RNF152: variants seen among roughly 807,000 people sequenced by gnomAD.
RNF152 encodes the protein E3 ubiquitin-protein ligase RNF152.
In RNF152, 11 loss-of-function variants were observed where a neutral mutation model predicts 12.7. The observed-to-expected ratio is 0.86, with a 90% CI of 0.54 to 1.43. The LOEUF is 1.43. Ranked by LOEUF, RNF152 falls within the 40% of genes most tolerant of loss-of-function variation. The probability of loss-of-function intolerance (pLI) is 0.00; values close to 1 mark genes in which losing one functional copy is unlikely to be tolerated. For missense variants in RNF152, 255 were observed against 274.8 expected, an observed-to-expected ratio of 0.93 and a Z score of 0.51; for synonymous variants, 113 against 120.3, an observed-to-expected ratio of 0.94 and a Z score of 0.40.
At chr18:61,874,311 C>T (rs2144743290) in intron 1 of RNF152, among the ~76,000 whole-genome samples, 1 of 152,298 alleles carries the variant, frequency 6.6e-6, no homozygotes, top group South Asian at 2.1e-4. Context: ...CAAATATAAA[C>T]CAAGTCATTG....
chr18:61,863,727 C>G lies in RNF152; in HGVS notation c.-136+29068G>C, dbSNP rs1318154790. On this transcript the variant is annotated intron_variant, in intron 1 of 1. Transcript: ENST00000312828. ...TCCTGATTCTGGGCTTCGAAGAGTG[C>G]TTGAGAGGTGGGGGCATTACACACT... is the stretch of plus-strand genomic sequence containing the variant. Among the ~76,000 whole-genome samples, 5 of 152,236 alleles carry G rather than the reference C, an allele frequency of 3.3e-5. No individual in the cohort carries two copies. The East Asian group carries it at 9.7e-4, about 29-fold the overall frequency.
intron 1 of RNF152, among the ~76,000 whole-genome samples, chr18:61,878,082 G>C (rs183788477): frequency 6.6e-6 from 1 of 152,144 alleles, no homozygotes; most frequent in African/African-American, 2.4e-5. Context: ...GGTAGAAAAG[G>C]CATCCCACTC....
At chr18:61,878,815 A>C (rs1164820280) in intron 1 of RNF152, among the ~76,000 whole-genome samples, 1 of 152,192 alleles carries the variant, frequency 6.6e-6, no homozygotes. Flanking sequence ...TTCATGGCCT[A>C]ATCAACTCCT....
rs568191490 is a variant in RNF152, at chr18:61,822,285, A to C, written c.-135-5687T>G. On this transcript the variant is annotated intron_variant, in intron 1 of 1. Transcript: ENST00000312828. ...CAAACATAACCTCATAAAACAGTAC[A>C]TAGTTACATAAATAATATTAATTGA... Among the ~76,000 whole-genome samples, 36 of 152,310 alleles carry C rather than the reference A, an allele frequency of 2.4e-4. No individual in the cohort carries two copies. In the South Asian group the frequency reaches 6.2e-3, roughly 26 times the overall value.
intron 1 of RNF152, among the ~76,000 whole-genome samples, chr18:61,859,376 C>T (rs1011587990): frequency 1.3e-5 from 2 of 152,188 alleles, no homozygotes; most frequent in African/African-American, 4.8e-5. Context: ...ATCAGTTTCA[C>T]ACACTGTTCC....
chr18:61,829,684 C>T (rs914474165), intron 1 of RNF152, among the ~76,000 whole-genome samples: 3 of 151,846 alleles, frequency 2.0e-5, no homozygotes, highest in African/African-American at 2.4e-5. Context: ...GAGCAGGATG[C>T]GGTCCAAACC....
intron 1 of RNF152, among the ~76,000 whole-genome samples, chr18:61,818,735 C>A (rs1156426516): frequency 6.6e-6 from 1 of 152,136 alleles, no homozygotes; most frequent in East Asian, 1.9e-4. Flanking sequence ...ACAACTTAAA[C>A]CTAGGTAAGA....
At chr18:61,893,304 A>C (rs1185288492), upstream of RNF152, 1 of 152,310 alleles carries the variant, frequency 6.6e-6, no homozygotes, top group Non-Finnish European at 1.5e-5. Context: ...CCGCGCAGAC[A>C]GGCACACAGC....
chr18:61,866,479 C>G (rs956081795), intron 1 of RNF152, among the ~76,000 whole-genome samples: 2 of 152,212 alleles, frequency 1.3e-5, no homozygotes, highest in Non-Finnish European at 2.9e-5. Flanking sequence ...TGCTTTGAGC[C>G]ACCTGATCAT....
chr18:61,890,776 ACT>A (rs1912921313), intron 1 of RNF152, among the ~76,000 whole-genome samples: 1 of 152,172 alleles, frequency 6.6e-6, no homozygotes. Context: ...GGTTCAAACA[ACT>A]CTGAGGGAAT....
intron 1 of RNF152, among the ~76,000 whole-genome samples, chr18:61,817,888 C>T (rs921004281): frequency 6.6e-6 from 1 of 152,060 alleles, no homozygotes; most frequent in African/African-American, 2.4e-5. Flanking sequence ...TTGAAAGCAT[C>T]CAAATTATGT....
upstream of RNF152, chr18:61,893,726 GGCGCAACTGGGGCGGGCGCGC>G (rs1156541852): frequency 2.6e-5 from 4 of 152,350 alleles, no homozygotes; most frequent in East Asian, 7.8e-4. Context: ...GCGGGCCGGG[GGCGCAACTGGGGCGGGCGCGC>G]GCGCACGTGC....
intron 1 of RNF152, among the ~76,000 whole-genome samples, chr18:61,862,893 A>ACT (rs1911554469): frequency 6.6e-6 from 1 of 152,138 alleles, no homozygotes; most frequent in Non-Finnish European, 1.5e-5. Context: ...GCCCTCAATC[A>ACT]GTGGGCTCTG....
intron 1 of RNF152, among the ~76,000 whole-genome samples, chr18:61,890,785 G>T (rs1306362565): frequency 2.0e-5 from 3 of 152,298 alleles, no homozygotes; most frequent in Admixed American, 1.3e-4. Context: ...AACTCTGAGG[G>T]AATTAGAAAT....
intron 1 of RNF152, among the ~76,000 whole-genome samples, chr18:61,884,262 A>C (rs1912593831): frequency 6.6e-6 from 1 of 152,102 alleles, no homozygotes; most frequent in Non-Finnish European, 1.5e-5. Flanking sequence ...GACCTTGTGC[A>C]CTCAGGTCAC....
At chr18:61,826,878 A>G (rs373645415) in intron 1 of RNF152, among the ~76,000 whole-genome samples, 7 of 152,378 alleles carry the variant, frequency 4.6e-5, no homozygotes, top group African/African-American at 1.7e-4. Context: ...TTTGGAGATA[A>G]TAAGGCTTAC....
At chr18:61,842,060 G>A (rs1910479425) in intron 1 of RNF152, among the ~76,000 whole-genome samples, 1 of 152,164 alleles carries the variant, frequency 6.6e-6, no homozygotes. Flanking sequence ...GCCAGCACAA[G>A]GAATCTAATA....
chr18:61,827,107 T>C (rs1423679381), intron 1 of RNF152, among the ~76,000 whole-genome samples: 2 of 152,210 alleles, frequency 1.3e-5, no homozygotes, highest in African/African-American at 4.8e-5. Flanking sequence ...CCTTATTTGA[T>C]GAAACTTCAC....
intron 1 of RNF152, among the ~76,000 whole-genome samples, chr18:61,861,124 TG>T (rs939576469): frequency 6.6e-6 from 1 of 152,218 alleles, no homozygotes; most frequent in Non-Finnish European, 1.5e-5. Flanking sequence ...TGTTATAAAT[TG>T]AGTGTAGTCT....
Sources: gnomAD v4.1 joint callset for allele counts (sites outside exome capture counted in the v4.1 genomes callset) on GRCh38, gnomAD v4.1.1 for gene constraint, MANE v1.5 for transcripts, NCBI Gene and HGNC (gene_info 2026-07-23, HGNC 2026-07-21) for gene names.